R3HDM2: variants seen among roughly 807,000 people sequenced by gnomAD.
The protein encoded by R3HDM2 is R3H domain-containing protein 2.
A neutral mutation model predicts 124.5 loss-of-function variants in R3HDM2; 38 were observed. The ratio of observed to expected loss-of-function variants is 0.31; its 90% CI spans 0.24 to 0.40. The LOEUF is 0.40. Ranked by LOEUF, R3HDM2 falls within the 10% of genes least tolerant of loss-of-function variation. The pLI, the probability that R3HDM2 is intolerant of heterozygous loss-of-function variation, is 1.00. For synonymous variants in R3HDM2, 391 were observed against 448.0 expected (o/e 0.87, Z 1.61); for missense variants, 869 against 1,236.9 (o/e 0.70, Z 4.46).
chr12:57,386,472 TCGA>T (rs1275305469), intron 2 of R3HDM2, among the ~76,000 whole-genome samples: 2 of 152,218 alleles, frequency 1.3e-5, no homozygotes, highest in Non-Finnish European at 2.9e-5. Flanking sequence ...GCTGCTGTGC[TCGA>T]CTTCTTGCCG....
chr12:57,340,877 T>G (rs1290569360), intron 2 of R3HDM2, among the ~76,000 whole-genome samples: 1 of 150,660 alleles, frequency 6.6e-6, no homozygotes, highest in African/African-American at 2.4e-5. Flanking sequence ...GAAAAGCGAC[T>G]GGAAGCCCAG....
At chr12:57,364,143 C>CTTTTTTTTTTT (rs11320875) in intron 2 of R3HDM2, among the ~76,000 whole-genome samples, 4 of 81,670 alleles carry the variant, frequency 4.9e-5, no homozygotes, top group African/African-American at 9.2e-5. Context: ...GACTCGGTGT[C>CTTTTTTTTTTT]TTTTTTTTTT....
At chr12:57,381,219 G>A (rs1242636305) in intron 2 of R3HDM2, among the ~76,000 whole-genome samples, 5 of 151,168 alleles carry the variant, frequency 3.3e-5, no homozygotes, top group Admixed American at 6.6e-5. Context: ...CAACAAAAGC[G>A]AAACTCCGTC....
At chr12:57,288,839 T>C (rs2047985058) in intron 12 of R3HDM2, 170 bp downstream of exon 12, 1 of 1,532,510 alleles carries the variant, frequency 6.5e-7, no homozygotes, top group Non-Finnish European at 8.9e-7. Flanking sequence ...AGGAGAGATA[T>C]AGATCACACA....
intron 20 of R3HDM2, among the ~76,000 whole-genome samples, chr12:57,258,502 G>A (rs1428638319): frequency 4.6e-5 from 7 of 151,702 alleles, no homozygotes; most frequent in African/African-American, 1.2e-4. Flanking sequence ...CCACCATCAC[G>A]CCTGGCTAAT....
At chr12:57,259,158 G>T in intron 19 of R3HDM2, 99 bp from the exon 20 acceptor site, 2 of 1,277,896 alleles carry the variant, frequency 1.6e-6, no homozygotes, top group Non-Finnish European at 2.2e-6. Flanking sequence ...TCCACCCATT[G>T]CCTCAGGGTC....
chr12:57,320,956 G>A lies in R3HDM2; in HGVS notation c.-35-10493C>T, dbSNP rs148788525. Among the ~76,000 whole-genome samples the A allele has an allele frequency of 2.1e-3, 322 of 152,278 alleles. 9 individuals are homozygous for A. In the East Asian group the frequency reaches 0.05, roughly 24 times the overall value. On this transcript the variant is annotated intron_variant, in intron 2 of 23. Coordinates refer to ENST00000402412, the MANE Select transcript of R3HDM2 (RefSeq NM_001394031.1). ...GGTCTACCCTGTGGCAAATTCCTTG[G>A]AAGCTTTCCGGTCCTGTACTAATTT...
intron 19 of R3HDM2, among the ~76,000 whole-genome samples, chr12:57,263,858 T>C (rs1361892638): frequency 1.3e-5 from 2 of 152,144 alleles, no homozygotes. Flanking sequence ...GCATCCAACA[T>C]AGTGACGTAC....
At chr12:57,266,616 TG>T in intron 19 of R3HDM2, 114 bp downstream of exon 19, 1 of 792,840 alleles carries the variant, frequency 1.3e-6, no homozygotes. Context: ...GGAGTCACAG[TG>T]GGGACAGACC....
In R3HDM2 at chr12:57,268,339, T is replaced by C. The variant is rs1425842489; in HGVS notation, c.1994A>G (p.Tyr665Cys). ...CTGCTGAGCAGGTGGGATCATGCTATAGTACACTGGTACCCCCGCTGCTGG... is the reference window on the plus strand; with the variant it reads ...CTGCTGAGCAGGTGGGATCATGCTACAGTACACTGGTACCCCCGCTGCTGG... ...GLPAAGVPVY[Y>C]SMIPPAQQNG... Residue 665 changes from tyrosine (Y) to cysteine (C), a missense_variant, in exon 18 of 24, where the codon TAT becomes TGT. Tyr to Cys is a radical substitution (Grantham distance 194). Transcript: ENST00000402412. 3 of 1,613,922 alleles carry C rather than the reference T, an allele frequency of 1.9e-6. No individual in the cohort carries two copies. Among genetic ancestry groups the C allele is most frequent in the African/African-American group, 1.3e-5 (1 of 74,888 alleles).
intron 2 of R3HDM2, among the ~76,000 whole-genome samples, chr12:57,359,762 T>C (rs1422137868): frequency 7.0e-6 from 1 of 143,550 alleles, no homozygotes; most frequent in Non-Finnish European, 1.6e-5. Flanking sequence ...CTCTCATCTT[T>C]TAGATTAATT....
chr12:57,254,948 T>G lies in R3HDM2; in HGVS notation c.2798A>C (p.Glu933Ala), dbSNP rs571560873. Residue 933 changes from glutamate to alanine, a missense_variant, in exon 24 of 24, where the codon GAG becomes GCG. Glu to Ala is a moderately radical substitution (Grantham distance 107). Coordinates refer to ENST00000402412, the MANE Select transcript of R3HDM2 (RefSeq NM_001394031.1). Reference protein sequence around the residue: ...GGGGDNSGTAENGRHSDLAAL... With the variant: ...GGGGDNSGTAANGRHSDLAAL... ...AGCGAGGTCCGAGTGGCGGCCATTC[T>G]CAGCAGTCCCACTGTTGTCCCCCCC... 8 of 1,614,088 alleles carry G rather than the reference T, an allele frequency of 5.0e-6. No homozygotes were observed. The South Asian group carries it at 8.8e-5, about 18-fold the overall frequency.
chr12:57,277,947 G>T (rs1053223847), intron 14 of R3HDM2, among the ~76,000 whole-genome samples: 1 of 152,034 alleles, frequency 6.6e-6, no homozygotes, highest in African/African-American at 2.4e-5. Context: ...AAGAAAGAAA[G>T]AAAATGGCAG....
intron 2 of R3HDM2, among the ~76,000 whole-genome samples, chr12:57,386,959 CTG>C (rs1384436234): frequency 2.0e-5 from 3 of 151,912 alleles, no homozygotes; most frequent in Non-Finnish European, 4.4e-5. Flanking sequence ...CTTTGGCACT[CTG>C]TATCTAGCTC....
chr12:57,342,023 T>C (rs960132157), intron 2 of R3HDM2, among the ~76,000 whole-genome samples: 5 of 152,190 alleles, frequency 3.3e-5, no homozygotes, highest in African/African-American at 9.7e-5. Flanking sequence ...TCACAAAACT[T>C]AGCACTTCAA....
rs148306446 is a variant in R3HDM2 at position 57,300,268 on chromosome 12, G to A, written c.208-87C>T. ...GTGAACATTCAGAAAGCTTTTGGCT[G>A]AATGAAAAGTGTCCTCTTTGGCTCT... On this transcript the variant is annotated intron_variant, in intron 4 of 23. Coordinates refer to ENST00000402412, the MANE Select transcript of R3HDM2 (RefSeq NM_001394031.1). The A allele has an allele frequency of 1.9e-3, 2,249 of 1,180,538 alleles. 6 individuals carry two copies. Among genetic ancestry groups the A allele is most frequent in the Non-Finnish European group, 2.5e-3 (2,085 of 823,768 alleles). 73.1% of individuals were successfully genotyped at this position (1,180,538 alleles called of 1,614,324 possible).
At chr12:57,413,679 T>C (rs1463500383) in intron 1 of R3HDM2, among the ~76,000 whole-genome samples, 1 of 151,426 alleles carries the variant, frequency 6.6e-6, no homozygotes, top group East Asian at 2.0e-4. Context: ...GAGGCTGCAA[T>C]GAGCCGAGAT....
chr12:57,406,844 C>T (rs1015240157), intron 1 of R3HDM2, among the ~76,000 whole-genome samples: 3 of 152,056 alleles, frequency 2.0e-5, no homozygotes, highest in African/African-American at 7.2e-5. Context: ...TAAATGACAC[C>T]ACAATAATGT....
intron 1 of R3HDM2, among the ~76,000 whole-genome samples, chr12:57,414,869 A>G (rs1473521441): frequency 2.6e-5 from 4 of 152,040 alleles, no homozygotes; most frequent in East Asian, 3.9e-4. Context: ...ATGAGAAGCA[A>G]TTTCTCTTTA....
Sources: gnomAD v4.1 joint callset for allele counts (sites outside exome capture counted in the v4.1 genomes callset) on GRCh38, gnomAD v4.1.1 for gene constraint, MANE v1.5 for transcripts, NCBI Gene and HGNC (gene_info 2026-07-23, HGNC 2026-07-21) for gene names.